DMD: variants seen among roughly 807,000 people sequenced by gnomAD.
DMD encodes the protein mutant dystrophin.
A neutral mutation model predicts 330.1 loss-of-function variants in DMD; 63 were observed. The ratio of observed to expected loss-of-function variants is 0.19; its 90% CI spans 0.16 to 0.24. DMD has a LOEUF of 0.24. Among genes scored for constraint, DMD ranks in the 10% least tolerant of loss-of-function variants. DMD has a pLI of 1.00. For missense variants in DMD, 3,344 were observed against 2,684.1 expected, an observed-to-expected ratio of 1.25 and a Z score of -5.43; for synonymous variants, 1,223 against 959.8, an observed-to-expected ratio of 1.27 and a Z score of -5.07.
At chrX:32,571,046 G>T (rs1325223791) in intron 15 of DMD, among the ~76,000 whole-genome samples, 4 of 111,800 alleles carry the variant, frequency 3.6e-5, no homozygotes, top group African/African-American at 1.3e-4. Flanking sequence ...ATGAGGAAAT[G>T]AAATCTAATT....
At chrX:32,074,232 AT>A (rs760053996) in intron 44 of DMD, among the ~76,000 whole-genome samples, 2 of 111,739 alleles carry the variant, frequency 1.8e-5, no homozygotes, top group Non-Finnish European at 3.8e-5. Context: ...TTTAGGACCA[AT>A]GAAAAGGAGA....
chrX:31,932,262 T>C (rs778392703), intron 45 of DMD, 35 bp from the exon 46 acceptor site: 3 of 1,089,061 alleles, frequency 2.8e-6, no homozygotes, highest in South Asian at 1.9e-5. Context: ...TATTTTTTTT[T>C]CCAACATAGT....
intron 60 of DMD, among the ~76,000 whole-genome samples, chrX:31,431,394 G>T (rs928140846): frequency 9.0e-6 from 1 of 111,153 alleles, no homozygotes; most frequent in Non-Finnish European, 1.9e-5. Context: ...TGATGATGAT[G>T]ATTATGATTA....
intron 48 of DMD, among the ~76,000 whole-genome samples, chrX:31,843,005 G>C (rs777772488): frequency 7.2e-5 from 8 of 111,647 alleles, no homozygotes; most frequent in Non-Finnish European, 1.5e-4. Flanking sequence ...ATTCATTTAC[G>C]ATAATGGCCT....
At chrX:32,379,040 T>TAA (rs5902029) in intron 34 of DMD, among the ~76,000 whole-genome samples, 5 of 99,888 alleles carry the variant, frequency 5.0e-5, no homozygotes, top group Admixed American at 1.1e-4. Flanking sequence ...AATAAATTGG[T>TAA]AAAAAAAAAA....
At chrX:32,761,251 A>G (rs1373992194) in intron 7 of DMD, among the ~76,000 whole-genome samples, 1 of 112,114 alleles carries the variant, frequency 8.9e-6, no homozygotes, top group Non-Finnish European at 1.9e-5. Context: ...TGTATGGCAC[A>G]TTCTACACTA....
At chrX:31,560,869 G>A (rs1323977205) in intron 55 of DMD, among the ~76,000 whole-genome samples, 2 of 111,989 alleles carry the variant, frequency 1.8e-5, no homozygotes, top group African/African-American at 6.5e-5. Context: ...ATATAACAAT[G>A]CAAAGTATAC....
intron 30 of DMD, among the ~76,000 whole-genome samples, chrX:32,394,206 C>T (rs1179561847): frequency 7.2e-5 from 8 of 111,622 alleles, no homozygotes; most frequent in African/African-American, 2.3e-4. Context: ...TCAGGGCCAA[C>T]GGAAAATATC....
chrX:32,788,461 C>T (rs2075574290), intron 7 of DMD, among the ~76,000 whole-genome samples: 1 of 111,891 alleles, frequency 8.9e-6, no homozygotes, highest in South Asian at 3.7e-4. Flanking sequence ...CTGGGCCATC[C>T]AATGATACAA....
chrX:32,142,395 A>G (rs191888212), intron 44 of DMD, among the ~76,000 whole-genome samples: 2 of 112,343 alleles, frequency 1.8e-5, no homozygotes, highest in Non-Finnish European at 3.8e-5. Flanking sequence ...AAAGGGCTTT[A>G]AAGTTTCATT....
At chrX:32,694,182 C>G (rs1471495980) in intron 9 of DMD, among the ~76,000 whole-genome samples, 3 of 111,378 alleles carry the variant, frequency 2.7e-5, no homozygotes, top group Non-Finnish European at 5.6e-5. Context: ...AGCCCCTTTG[C>G]TGATGCCTCA....
At chrX:32,923,425 G>A (rs1307237157) in intron 2 of DMD, among the ~76,000 whole-genome samples, 1 of 109,798 alleles carries the variant, frequency 9.1e-6, no homozygotes, top group Non-Finnish European at 1.9e-5. Flanking sequence ...GATGGGTGTG[G>A]TGGCACACCC....
chrX:33,037,441 G>T (rs1378559447), intron 1 of DMD, among the ~76,000 whole-genome samples: 2 of 110,918 alleles, frequency 1.8e-5, no homozygotes, highest in African/African-American at 6.5e-5. Flanking sequence ...AGCTGTTTTG[G>T]TTTGTTCAGT....
At chrX:32,804,072 T>C (rs1049281347) in intron 7 of DMD, among the ~76,000 whole-genome samples, 1 of 111,266 alleles carries the variant, frequency 9.0e-6, no homozygotes, top group Non-Finnish European at 1.9e-5. Context: ...AGTCTCCCAC[T>C]ATTATTGTGT....
intron 19 of DMD, among the ~76,000 whole-genome samples, chrX:32,501,362 T>A (rs1012186083): frequency 1.8e-5 from 2 of 112,108 alleles, no homozygotes; most frequent in Non-Finnish European, 3.8e-5. Flanking sequence ...ATAATTTTAG[T>A]GTTTGGAAAA....
At chrX:33,219,306 TTGTGTG>T (rs56332488) in intron 1 of DMD, among the ~76,000 whole-genome samples, 1,675 of 72,931 alleles carry the variant, frequency 0.023, 43 homozygotes, top group African/African-American at 0.062. Flanking sequence ...TTAGAGATTA[TTGTGTG>T]TGTGTGTGTG....
At chrX:33,324,579 G>T (rs754803935) in intron 1 of DMD, among the ~76,000 whole-genome samples, 1 of 111,133 alleles carries the variant, frequency 9.0e-6, no homozygotes, top group African/African-American at 3.3e-5. Flanking sequence ...CCATCTGCTT[G>T]GAAAATGATT....
intron 1 of DMD, among the ~76,000 whole-genome samples, chrX:33,262,774 C>T (rs745420305): frequency 9.1e-6 from 1 of 110,322 alleles, no homozygotes; most frequent in East Asian, 2.8e-4. Flanking sequence ...CACAAAAAAA[C>T]CCCTAAAAAT....
chrX:33,268,374 T>C (rs1239441083), intron 1 of DMD, among the ~76,000 whole-genome samples: 1 of 111,361 alleles, frequency 9.0e-6, no homozygotes, highest in African/African-American at 3.3e-5. Context: ...ACTAAAGAGC[T>C]TCTGCACAGC....
Sources: allele counts gnomAD v4.1 joint callset (sites outside exome capture counted in the v4.1 genomes callset), GRCh38; gene constraint gnomAD v4.1.1; transcripts MANE v1.5; gene names NCBI Gene and HGNC (gene_info 2026-07-23, HGNC 2026-07-21).